The following SHISA9 variants were observed in gnomAD, a reference collection of about 807,000 sequenced individuals.
The protein encoded by SHISA9 is shisa family member 9.
In SHISA9, 13 loss-of-function variants were observed where a neutral mutation model predicts 38.0. That is an observed-to-expected ratio of 0.34 (90% CI 0.22 to 0.54). The LOEUF (loss-of-function observed/expected upper bound fraction) is 0.54, where lower values mean the gene tolerates loss of function less well. SHISA9 is among the 20% of genes least tolerant of loss of function. The probability of loss-of-function intolerance (pLI) is 0.91; values close to 1 mark genes in which losing one functional copy is unlikely to be tolerated. For missense variants in SHISA9, 538 were observed against 575.8 expected (o/e 0.93, Z 0.67); for synonymous variants, 275 against 242.0 (o/e 1.14, Z -1.27).
At chr16:13,025,070 T>A (rs1341320711) in intron 2 of SHISA9, among the ~76,000 whole-genome samples, 2 of 152,166 alleles carry the variant, frequency 1.3e-5, no homozygotes, top group African/African-American at 4.8e-5. Flanking sequence ...TCCTCTTGGA[T>A]TTTTTTCTGA....
chr16:12,995,989 C>G (rs2141836805), intron 2 of SHISA9, among the ~76,000 whole-genome samples: 1 of 152,270 alleles, frequency 6.6e-6, no homozygotes, highest in South Asian at 2.1e-4. Context: ...GCATAATTCC[C>G]TGGAAATTGA....
the SHISA9 span, among the ~76,000 whole-genome samples, chr16:13,493,432 T>C: frequency 6.6e-6 from 1 of 152,192 alleles, no homozygotes; most frequent in East Asian, 1.9e-4. Flanking sequence ...AAGAATTCAC[T>C]CTTGGCTACC....
chr16:13,447,535 G>A, the SHISA9 span, among the ~76,000 whole-genome samples: 5 of 152,238 alleles, frequency 3.3e-5, no homozygotes, highest in African/African-American at 1.2e-4. Context: ...CACTACAGAT[G>A]CTGCACATGT....
At chr16:13,515,587 A>T in the SHISA9 span, among the ~76,000 whole-genome samples, 1 of 152,156 alleles carries the variant, frequency 6.6e-6, no homozygotes, top group African/African-American at 2.4e-5. Flanking sequence ...CTTGCCTCTC[A>T]AACAAGTTAT....
chr16:13,002,382 A>G (rs2072536393), intron 2 of SHISA9, among the ~76,000 whole-genome samples: 1 of 152,098 alleles, frequency 6.6e-6, no homozygotes, highest in African/African-American at 2.4e-5. Flanking sequence ...CCATCCTAGG[A>G]GTTAGTCGTG....
the SHISA9 span, among the ~76,000 whole-genome samples, chr16:13,434,880 C>T: frequency 1.3e-5 from 2 of 152,158 alleles, no homozygotes; most frequent in Non-Finnish European, 2.9e-5. Flanking sequence ...AGCCAGTCTT[C>T]TGATTACAAA....
chr16:13,257,059 G>C, the SHISA9 span, among the ~76,000 whole-genome samples: 1 of 152,162 alleles, frequency 6.6e-6, no homozygotes, highest in Non-Finnish European at 1.5e-5. Context: ...GGGTACAAAC[G>C]ACCATCCAGA....
intron 2 of SHISA9, among the ~76,000 whole-genome samples, chr16:12,980,431 T>C (rs1261093031): frequency 6.6e-6 from 1 of 152,204 alleles, no homozygotes. Context: ...TTCTTGCATC[T>C]AGCATTGCTG....
intron 2 of SHISA9, among the ~76,000 whole-genome samples, chr16:12,968,369 A>G (rs2072009477): frequency 1.3e-5 from 2 of 152,122 alleles, no homozygotes; most frequent in African/African-American, 2.4e-5. Flanking sequence ...TATCCATTAT[A>G]AGGTGGGTGA....
At chr16:13,450,288 G>A in the SHISA9 span, among the ~76,000 whole-genome samples, 2 of 152,154 alleles carry the variant, frequency 1.3e-5, no homozygotes, top group African/African-American at 4.8e-5. Flanking sequence ...TGTGAAGATT[G>A]GGAATTACAT....
chr16:13,490,868 C>G, the SHISA9 span, among the ~76,000 whole-genome samples: 18,397 of 152,154 alleles, frequency 0.12, 1,233 homozygotes, highest in Middle Eastern at 0.19. Flanking sequence ...GTAATATATT[C>G]TCTGCTTTTC....
At chr16:13,301,936 C>T in the SHISA9 span, among the ~76,000 whole-genome samples, 1 of 152,152 alleles carries the variant, frequency 6.6e-6, no homozygotes, top group East Asian at 1.9e-4. Context: ...TGGTACATGC[C>T]TGGTGCAAGG....
intron 2 of SHISA9, among the ~76,000 whole-genome samples, chr16:12,993,770 A>G (rs1347250373): frequency 1.3e-5 from 2 of 152,206 alleles, no homozygotes; most frequent in African/African-American, 4.8e-5. Flanking sequence ...CCAGACAATC[A>G]CAAAAGGCCA....
chr16:13,159,221 A>G (rs145012495), intron 2 of SHISA9, among the ~76,000 whole-genome samples: 1 of 152,352 alleles, frequency 6.6e-6, no homozygotes, highest in East Asian at 1.9e-4. Context: ...AAAGTTACAT[A>G]AATTAACATG....
At chr16:13,526,219 A>C in the SHISA9 span, among the ~76,000 whole-genome samples, 1 of 152,204 alleles carries the variant, frequency 6.6e-6, no homozygotes, top group African/African-American at 2.4e-5. Context: ...GTCTTCATTC[A>C]GAAGAGAACC....
the SHISA9 span, among the ~76,000 whole-genome samples, chr16:13,490,660 C>G: frequency 6.6e-6 from 1 of 152,188 alleles, no homozygotes; most frequent in African/African-American, 2.4e-5. Flanking sequence ...TTCTGATTCT[C>G]TGCCCAATTT....
rs190340823 is a variant in SHISA9 at position 13,206,872 on chromosome 16, G to A, written c.847+3323G>A. Among the ~76,000 whole-genome samples the A allele has an allele frequency of 1.3e-3, 191 of 152,320 alleles. 1 individual carries two copies. Among genetic ancestry groups the A allele is most frequent in the African/African-American group, 4.4e-3 (185 of 41,582 alleles). On this transcript the variant is annotated intron_variant, in intron 3 of 4. Coordinates refer to ENST00000558583, the MANE Select transcript of SHISA9 (RefSeq NM_001145204.3). Reference sequence around the variant, plus strand: ...CATTCAAATATACTCAGTGTTACTAGGAAGGGATGAGGGCTGTTACCTAGG... The same window carrying A: ...CATTCAAATATACTCAGTGTTACTAAGAAGGGATGAGGGCTGTTACCTAGG...
intron 2 of SHISA9, among the ~76,000 whole-genome samples, chr16:13,064,848 G>A (rs2073416350): frequency 6.6e-6 from 1 of 152,022 alleles, no homozygotes; most frequent in Non-Finnish European, 1.5e-5. Context: ...TCACCAGAGT[G>A]GGATATAAAC....
chr16:13,440,934 A>G, the SHISA9 span, among the ~76,000 whole-genome samples: 1 of 152,080 alleles, frequency 6.6e-6, no homozygotes, highest in East Asian at 1.9e-4. Flanking sequence ...AAAAAGAAAA[A>G]AAAAAAGTCA....
Sources: gnomAD v4.1 joint callset for allele counts (sites outside exome capture counted in the v4.1 genomes callset) on GRCh38, gnomAD v4.1.1 for gene constraint, MANE v1.5 for transcripts, NCBI Gene and HGNC (gene_info 2026-07-23, HGNC 2026-07-21) for gene names.